The following ZDHHC20 variants were observed in gnomAD, a reference collection of about 807,000 sequenced individuals.
ZDHHC20 encodes zDHHC palmitoyltransferase 20, also known as palmitoyltransferase ZDHHC20.
A neutral mutation model predicts 57.8 loss-of-function variants in ZDHHC20; 43 were observed. That is an observed-to-expected ratio of 0.74 (90% CI 0.58 to 0.96). The LOEUF is 0.96. ZDHHC20 is among the 40% of genes least tolerant of loss of function. ZDHHC20 has a pLI of 0.00. For synonymous variants in ZDHHC20, 157 were observed against 153.0 expected, an observed-to-expected ratio of 1.03 and a Z score of -0.19; for missense variants, 391 against 441.1, an observed-to-expected ratio of 0.89 and a Z score of 1.02.
At chr13:21,378,868 C>T (rs1466871577) in intron 11 of ZDHHC20, 130 bp from the exon 12 acceptor site, 10 of 444,570 alleles carry the variant, frequency 2.2e-5, no homozygotes, top group African/African-American at 2.0e-5. Flanking sequence ...ATGGTGTCAA[C>T]CATTTGTCTT....
At chr13:21,434,917 GTTGT>G (rs1335533788) in intron 1 of ZDHHC20, among the ~76,000 whole-genome samples, 6 of 152,118 alleles carry the variant, frequency 3.9e-5, no homozygotes, top group East Asian at 3.8e-4. Flanking sequence ...TTGTGCATGT[GTTGT>G]TTATTTGTGG....
rs372938889 is a variant in ZDHHC20 at position 21,384,083 on chromosome 13, G to A, written c.855-1074C>T. ...TCTGCCAGGACCCTGGCACTATGGG[G>A]GGTGGGAAACCAAGCAGAACAAGGT... On this transcript the variant is annotated intron_variant, in intron 9 of 12. Transcript: ENST00000400590. 5.3e-5 allele frequency among the ~76,000 whole-genome samples: 8 copies of A among 151,820 alleles called. No individual in the cohort carries two copies. In the South Asian group the frequency reaches 1.5e-3, roughly 28 times the overall value.
Position 21,458,744 on chromosome 13 carries a change from G to A in ZDHHC20, c.118+310C>T, listed in dbSNP as rs554167860. 1.2e-4 allele frequency among the ~76,000 whole-genome samples: 18 copies of A among 152,312 alleles called. No homozygotes were observed. In the South Asian group the frequency reaches 2.9e-3, roughly 25 times the overall value. On this transcript the variant is annotated intron_variant, in intron 1 of 12. Transcript: ENST00000400590. ...AAGCTCGACTACTCCCGTTCTGCAC[G>A]TTCCTTCCCAGAAGGATGCAGACCC... is the stretch of plus-strand genomic sequence containing the variant.
At chr13:21,401,553 A>G (rs1174638643) in intron 6 of ZDHHC20, 100 bp downstream of exon 6, 8 of 995,340 alleles carry the variant, frequency 8.0e-6, no homozygotes, top group Non-Finnish European at 1.2e-5. Flanking sequence ...CAATCTTAAT[A>G]TCTATGAGTA....
chr13:21,423,357 C>T lies in ZDHHC20; in HGVS notation c.146-2193G>A, dbSNP rs116106703. ...CCTGTCAGTTCCCTTCAGGTTGAAC[C>T]CCATGGTGTACCCAATGGACTCAGT... On this transcript the variant is annotated intron_variant, in intron 2 of 12. Coordinates refer to ENST00000400590, the MANE Select transcript of ZDHHC20 (RefSeq NM_001330059.2). 2.7e-3 allele frequency among the ~76,000 whole-genome samples: 417 copies of T among 152,206 alleles called. 1 individual carries two copies. Among genetic ancestry groups the T allele is most frequent in the African/African-American group, 9.2e-3 (382 of 41,528 alleles).
intron 1 of ZDHHC20, among the ~76,000 whole-genome samples, chr13:21,443,540 T>C (rs942681209): frequency 5.3e-5 from 8 of 152,208 alleles, no homozygotes; most frequent in Non-Finnish European, 7.3e-5. Flanking sequence ...CCAGGTTATA[T>C]AGTTGATTTT....
At position 21,391,789 on chromosome 13, in the gene ZDHHC20, G is replaced by T; in HGVS notation, c.660C>A (p.Phe220Leu). Residue 220 changes from phenylalanine (F) to leucine (L), a missense_variant, in exon 8 of 13, where the codon TTC (phenylalanine) becomes TTA (leucine). Around this residue, in one of 3 missense-constraint regions of ZDHHC20, gnomAD observed 197 missense variants for 220.8 expected, o/e 0.89. Coordinates refer to ENST00000400590, the MANE Select transcript of ZDHHC20 (RefSeq NM_001330059.2). Reference protein sequence around the residue: ...VLFLFFVSAMFFISVLSLFSY... With the variant: ...VLFLFFVSAMLFISVLSLFSY... Reference sequence around the variant, plus strand: ...TGAAAAGTGAGAGGACGCTGATGAAGAACATTGCAGACACAAAGAAAAGAA... The same window carrying T: ...TGAAAAGTGAGAGGACGCTGATGAATAACATTGCAGACACAAAGAAAAGAA... 1.2e-6 allele frequency: 2 copies of T among 1,613,340 alleles called. No homozygotes were observed. The highest frequency in any genetic ancestry group is 1.7e-5 in the Admixed American group (1 of 59,930).
At chr13:21,439,277 A>G (rs1240844535) in intron 1 of ZDHHC20, among the ~76,000 whole-genome samples, 1 of 152,208 alleles carries the variant, frequency 6.6e-6, no homozygotes. Context: ...AGGCAAGAGG[A>G]TCGCTTGAGC....
chr13:21,380,716 C>T (rs1013792301), intron 11 of ZDHHC20, among the ~76,000 whole-genome samples: 7 of 150,964 alleles, frequency 4.6e-5, no homozygotes, highest in Admixed American at 1.3e-4. Flanking sequence ...CACTTGAACC[C>T]GGGAGGCGGA....
chr13:21,399,986 G>A (rs1877391140), intron 7 of ZDHHC20, among the ~76,000 whole-genome samples: 1 of 151,530 alleles, frequency 6.6e-6, no homozygotes, highest in Non-Finnish European at 1.5e-5. Context: ...ACAGGAAGCA[G>A]TTTAGTGGCT....
intron 1 of ZDHHC20, among the ~76,000 whole-genome samples, chr13:21,447,855 G>A (rs1459096152): frequency 5.4e-5 from 6 of 110,540 alleles, no homozygotes; most frequent in Non-Finnish European, 6.4e-5. Flanking sequence ...CTTCCCAGCC[G>A]CCATCACATC....
Position 21,426,293 on chromosome 13 carries a change from ACTG to A in ZDHHC20, c.119-618_119-616del, listed in dbSNP as rs915868483. 2.6e-4 allele frequency among the ~76,000 whole-genome samples: 40 copies of A among 152,196 alleles called. 1 individual carries two copies. Among genetic ancestry groups the A allele is most frequent in the African/African-American group, 9.7e-4 (40 of 41,438 alleles). On this transcript the variant is annotated intron_variant, in intron 1 of 12. Coordinates refer to ENST00000400590, the MANE Select transcript of ZDHHC20 (RefSeq NM_001330059.2). ...GTCTACCAAGCCTGAAACCCTGTGA[ACTG>A]CTATTTACTCTTTCTTCCTGGATAA... is the stretch of plus-strand genomic sequence containing the variant.
rs561210198 is a variant in ZDHHC20 at position 21,424,866 on chromosome 13, A to G, written c.145+786T>C. On this transcript the variant is annotated intron_variant, in intron 2 of 12. Transcript: ENST00000400590. ...AACATTTTTGATTTAAAGAAAGAAA[A>G]TAAGCCAACCAAGATTGAGTCTGCG... 1.5e-3 allele frequency among the ~76,000 whole-genome samples: 223 copies of G among 152,356 alleles called. 2 individuals are homozygous for G. The highest frequency in any genetic ancestry group is 1.6e-4 in the Non-Finnish European group (11 of 68,040).
chr13:21,454,913 GTTT>G (rs1884778786), intron 1 of ZDHHC20, among the ~76,000 whole-genome samples: 1 of 145,930 alleles, frequency 6.9e-6, no homozygotes, highest in Non-Finnish European at 1.5e-5. Context: ...TTGTTTGTTT[GTTT>G]GTTGGTTTGT....
At position 21,372,771 on chromosome 13, in the gene ZDHHC20, CAAACT is replaced by C. The variant is rs1481637697; in HGVS notation, c.*3920_*3924del. 6.6e-6 allele frequency: 1 copy of C among 152,134 alleles called. No individual in the cohort carries two copies. Among genetic ancestry groups the C allele is most frequent in the African/African-American group, 2.4e-5 (1 of 41,454 alleles). The allele number at this position is 152,134 out of a possible 1,614,324, so 9.4% of individuals were successfully genotyped here. A position where few individuals can be genotyped will look rare whatever the true frequency, so the allele number is the denominator to read the frequency against. On this transcript the variant is annotated 3_prime_UTR_variant, in exon 13 of 13. Transcript: ENST00000400590. ...ATGGTACTTGTTAGGTAAACACAAC[CAAACT>C]AAACTGTACTTCAAATTTGTTTATA...
chr13:21,441,076 T>C (rs931339001), intron 1 of ZDHHC20, among the ~76,000 whole-genome samples: 1 of 152,198 alleles, frequency 6.6e-6, no homozygotes, highest in Non-Finnish European at 1.5e-5. Context: ...CCTGATTGCT[T>C]ATTCTTTCTT....
At chr13:21,454,263 T>C (rs535513633) in intron 1 of ZDHHC20, among the ~76,000 whole-genome samples, 23 of 151,488 alleles carry the variant, frequency 1.5e-4, no homozygotes, top group African/African-American at 5.6e-4. Flanking sequence ...GAGGAGGAGG[T>C]TGCAGTGAGC....
rs1193964771 is a variant in ZDHHC20 at position 21,374,378 on chromosome 13, C to T, written c.*2318G>A. 4.4e-6 allele frequency: 2 copies of T among 455,402 alleles called. No homozygotes were observed. Among genetic ancestry groups the T allele is most frequent in the African/African-American group, 2.0e-5 (1 of 50,050 alleles). 28.2% of individuals were successfully genotyped at this position (455,402 alleles called of 1,614,324 possible). A position where few individuals can be genotyped will look rare whatever the true frequency, so the allele number is the denominator to read the frequency against. On this transcript the variant is annotated 3_prime_UTR_variant, in exon 13 of 13. Coordinates refer to ENST00000400590, the MANE Select transcript of ZDHHC20 (RefSeq NM_001330059.2). ...TAGTTGGGACTACAGGCGTGTGCCACCATGCCTGGACAGTTTTGGGGTTTT... is the reference window on the plus strand; with the variant it reads ...TAGTTGGGACTACAGGCGTGTGCCATCATGCCTGGACAGTTTTGGGGTTTT...
At chr13:21,379,342 C>T (rs1371716653) in intron 11 of ZDHHC20, among the ~76,000 whole-genome samples, 2 of 151,818 alleles carry the variant, frequency 1.3e-5, no homozygotes, top group Non-Finnish European at 2.9e-5. Context: ...AGTGCAGTGG[C>T]ATGATCATAG....
Sources: allele counts gnomAD v4.1 joint callset (sites outside exome capture counted in the v4.1 genomes callset), GRCh38; gene constraint gnomAD v4.1.1; regional missense constraint gnomAD v4.1.1; transcripts MANE v1.5; gene names NCBI Gene and HGNC (gene_info 2026-07-23, HGNC 2026-07-21).